ZBTB11: variants seen among roughly 807,000 people sequenced by gnomAD.
The protein encoded by ZBTB11 is zinc finger and BTB domain-containing protein 11.
Under a neutral mutation model 113.1 loss-of-function variants are expected in ZBTB11, and 68 were observed. The observed-to-expected ratio is 0.60, with a 90% CI of 0.49 to 0.74. ZBTB11 has a LOEUF of 0.74. ZBTB11 is among the 30% of genes least tolerant of loss of function. The probability of loss-of-function intolerance (pLI) is 0.00; values close to 1 mark genes in which losing one functional copy is unlikely to be tolerated. For missense variants in ZBTB11, 1,104 were observed against 1,279.4 expected, an observed-to-expected ratio of 0.86 and a Z score of 2.09; for synonymous variants, 518 against 452.6, an observed-to-expected ratio of 1.14 and a Z score of -1.83.
intron 3 of ZBTB11, among the ~76,000 whole-genome samples, chr3:101,668,091 G>C (rs1255592681): frequency 6.6e-6 from 1 of 151,762 alleles, no homozygotes; most frequent in African/African-American, 2.4e-5. Flanking sequence ...TGCTAAGTAA[G>C]TCAAGGACAG....
chr3:101,668,947 T>C (rs1452182746), intron 3 of ZBTB11, among the ~76,000 whole-genome samples: 1 of 152,046 alleles, frequency 6.6e-6, no homozygotes, highest in Non-Finnish European at 1.5e-5. Flanking sequence ...AAATGGACAA[T>C]TATAACAGAA....
intron 6 of ZBTB11, among the ~76,000 whole-genome samples, chr3:101,658,540 TG>T (rs1229218787): frequency 6.6e-6 from 1 of 152,086 alleles, no homozygotes; most frequent in Non-Finnish European, 1.5e-5. Flanking sequence ...TTAATTTTTT[TG>T]AGATGGAATT....
Position 101,665,171 on chromosome 3 carries a change from T to C in ZBTB11, c.1416A>G (p.Lys472=). The stretch of plus-strand genomic sequence containing the variant: ...AAGGTTGGTCAACTTTCTGCCTATG[T>C]TTTGGAATGTCTTCGGCACAAATAT... ...AEDICAEDIP[K]HRQKVDQPLK... is the part of the protein sequence containing the mutation. Residue 472 remains lysine (K), a synonymous_variant, in exon 4 of 11, where the codon AAA becomes AAG. Transcript: ENST00000312938. The C allele has an allele frequency of 1.9e-6, 3 of 1,614,192 alleles. No individual in the cohort carries two copies. The highest frequency in any genetic ancestry group is 2.5e-6 in the Non-Finnish European group (3 of 1,180,034).
intron 5 of ZBTB11, among the ~76,000 whole-genome samples, chr3:101,663,274 G>A (rs571106035): frequency 6.6e-6 from 1 of 152,234 alleles, no homozygotes; most frequent in Admixed American, 6.5e-5. Context: ...GTTTCACCAT[G>A]TTGCCCAGGC....
intron 2 of ZBTB11, 62 bp downstream of exon 2, chr3:101,671,916 A>G (rs1412631568): frequency 3.0e-6 from 4 of 1,331,548 alleles, no homozygotes. Context: ...ATAAGTCACC[A>G]AGGCTGCAAA....
At chr3:101,659,718 C>A in intron 6 of ZBTB11, 65 bp downstream of exon 6, 3 of 1,571,578 alleles carry the variant, frequency 1.9e-6, no homozygotes, top group South Asian at 1.2e-5. Flanking sequence ...TCCCACCAGT[C>A]TCTTTGGCAC....
At chr3:101,673,273 G>A (rs879913517) in intron 1 of ZBTB11, among the ~76,000 whole-genome samples, 1 of 152,078 alleles carries the variant, frequency 6.6e-6, no homozygotes, top group Non-Finnish European at 1.5e-5. Context: ...GCCCTAAGAG[G>A]TATGTAGCTT....
chr3:101,676,529 C>T, intron 1 of ZBTB11, 76 bp downstream of exon 1: 4 of 1,375,968 alleles, frequency 2.9e-6, no homozygotes, highest in Non-Finnish European at 3.8e-6. Context: ...CTCGTGGGTA[C>T]GCATAGGCCT....
At chr3:101,673,548 C>G (rs189644034) in intron 1 of ZBTB11, among the ~76,000 whole-genome samples, 134 of 151,052 alleles carry the variant, frequency 8.9e-4, no homozygotes, top group Non-Finnish European at 1.7e-3. Flanking sequence ...GAGTCTCTCT[C>G]TGTTGCCCAG....
At chr3:101,653,611 T>C (rs1379632491) in intron 8 of ZBTB11, among the ~76,000 whole-genome samples, 1 of 152,174 alleles carries the variant, frequency 6.6e-6, no homozygotes, top group Non-Finnish European at 1.5e-5. Flanking sequence ...TAAAAATGTA[T>C]TGATAACAAA....
intron 3 of ZBTB11, among the ~76,000 whole-genome samples, chr3:101,666,865 C>G (rs1277975659): frequency 6.6e-6 from 1 of 152,004 alleles, no homozygotes; most frequent in Non-Finnish European, 1.5e-5. Context: ...ATTCTCCTGT[C>G]TCAGCCTCCG....
At chr3:101,674,126 A>C (rs1576654043) in intron 1 of ZBTB11, among the ~76,000 whole-genome samples, 2 of 150,986 alleles carry the variant, frequency 1.3e-5, no homozygotes, top group Admixed American at 6.6e-5. Flanking sequence ...ATTTGAGGTA[A>C]GAAGTTCGAG....
chr3:101,671,432 A>T (rs1329786568), intron 2 of ZBTB11, 71 bp from the exon 3 acceptor site: 1 of 1,083,980 alleles, frequency 9.2e-7, no homozygotes, highest in Non-Finnish European at 1.4e-6. Context: ...GCTTTAAAAC[A>T]AGACACATTA....
intron 5 of ZBTB11, 99 bp downstream of exon 5, chr3:101,664,439 A>C: frequency 8.2e-7 from 1 of 1,223,972 alleles, no homozygotes; most frequent in Non-Finnish European, 1.1e-6. Context: ...TTATAGCCAT[A>C]TAAGACATAG....
intron 5 of ZBTB11, 55 bp from the exon 6 acceptor site, chr3:101,660,083 G>A (rs2288273): frequency 0.078 from 120,170 of 1,545,302 alleles, 6,471 homozygotes; most frequent in Admixed American, 0.25. Flanking sequence ...AATGTTAACT[G>A]AAACTCAACT....
At chr3:101,676,259 A>T (rs1049602326) in intron 1 of ZBTB11, among the ~76,000 whole-genome samples, 2 of 148,832 alleles carry the variant, frequency 1.3e-5, no homozygotes, top group African/African-American at 5.0e-5. Context: ...CGCGAGCCAC[A>T]CGCCACCTCC....
chr3:101,651,327 C>G lies in ZBTB11; in HGVS notation c.3001G>C (p.Ala1001Pro). 1 of 1,613,652 alleles carries G rather than the reference C, an allele frequency of 6.2e-7. No homozygotes were observed. Among genetic ancestry groups the G allele is most frequent in the Non-Finnish European group, 8.5e-7 (1 of 1,179,862 alleles). The stretch of plus-strand genomic sequence containing the variant: ...GATACCGATGGATACTCTTCAGTAG[C>G]TGCAACAGCTTCCAGAGCTTCCATA... ...ETMEALEAVAATEEYPSVSTL... is the reference protein window; with the variant it reads ...ETMEALEAVAPTEEYPSVSTL... The change falls in exon 11 of 11, where the codon GCT (alanine) becomes CCT (proline). Residue 1001 changes from alanine to proline, a missense_variant. Physicochemically the swap from Ala to Pro is conservative, Grantham distance 27. Coordinates refer to ENST00000312938, the MANE Select transcript of ZBTB11 (RefSeq NM_014415.4).
intron 1 of ZBTB11, among the ~76,000 whole-genome samples, chr3:101,674,418 G>A (rs1289716242): frequency 6.6e-6 from 1 of 152,078 alleles, no homozygotes. Context: ...GAGACCAAAA[G>A]AGGTTGTATT....
chr3:101,676,848 G>A lies in ZBTB11; in HGVS notation c.67C>T (p.Pro23Ser). Residue 23 changes from proline (P) to serine (S), a missense_variant, in exon 1 of 11, where the codon CCG becomes TCG. Pro to Ser is a moderately conservative substitution (Grantham distance 74). Around this residue, in one of 5 missense-constraint regions of ZBTB11, gnomAD observed 245 missense variants for 272.5 expected, o/e 0.90. Transcript: ENST00000312938. The stretch of plus-strand genomic sequence containing the variant: ...CGCTTGACATTGCCCTCGGTGCCCG[G>A]CGCATACGGCTCGCGCTCGTTCGTC... ...YLTNEREPYA[P>S]GTEGNVKRKI... The A allele has an allele frequency of 6.2e-7, 1 of 1,611,330 alleles. No homozygotes were observed. Among genetic ancestry groups the A allele is most frequent in the Non-Finnish European group, 8.5e-7 (1 of 1,178,900 alleles).
Sources: allele counts gnomAD v4.1 joint callset (sites outside exome capture counted in the v4.1 genomes callset), GRCh38; gene constraint gnomAD v4.1.1; regional missense constraint gnomAD v4.1.1; transcripts MANE v1.5; gene names NCBI Gene and HGNC (gene_info 2026-07-23, HGNC 2026-07-21).